NCKAP5: variants seen among roughly 807,000 people sequenced by gnomAD.
NCKAP5 encodes the protein nck-associated protein 5.
A neutral mutation model predicts 167.0 loss-of-function variants in NCKAP5; 92 were observed. The observed-to-expected ratio is 0.55, with a 90% CI of 0.47 to 0.66. The LOEUF (loss-of-function observed/expected upper bound fraction) is 0.66. NCKAP5 is among the 30% of genes least tolerant of loss of function. The pLI, the probability that NCKAP5 is intolerant of heterozygous loss-of-function variation, is 0.00. For synonymous variants in NCKAP5, 891 were observed against 877.4 expected, an observed-to-expected ratio of 1.02 and a Z score of -0.27; for missense variants, 2,378 against 2,315.0, an observed-to-expected ratio of 1.03 and a Z score of -0.56.
intron 3 of NCKAP5, among the ~76,000 whole-genome samples, chr2:133,308,244 ACG>A (rs1680943351): frequency 6.6e-6 from 1 of 150,740 alleles, no homozygotes; most frequent in Non-Finnish European, 1.5e-5. Flanking sequence ...GCCCGCCACC[ACG>A]CCCGGCTAAT....
At chr2:133,056,793 T>A (rs960009394) in intron 6 of NCKAP5, among the ~76,000 whole-genome samples, 1 of 152,262 alleles carries the variant, frequency 6.6e-6, no homozygotes, top group African/African-American at 2.4e-5. Flanking sequence ...CAATTTTGTT[T>A]GAAAATTTTT....
chr2:133,392,794 C>A (rs996229732), intron 3 of NCKAP5, among the ~76,000 whole-genome samples: 2 of 152,160 alleles, frequency 1.3e-5, no homozygotes, highest in Admixed American at 1.3e-4. Context: ...CAGTCAAATA[C>A]AAACAAGGCA....
intron 5 of NCKAP5, among the ~76,000 whole-genome samples, chr2:133,144,072 G>C (rs1277391400): frequency 1.3e-5 from 2 of 152,132 alleles, no homozygotes; most frequent in East Asian, 3.9e-4. Flanking sequence ...GAAAAATAGA[G>C]AGACAGAGAT....
intron 12 of NCKAP5, among the ~76,000 whole-genome samples, chr2:132,794,328 A>C: frequency 7.0e-6 from 1 of 143,388 alleles, no homozygotes; most frequent in Non-Finnish European, 1.5e-5. Context: ...AGAGAGAGAG[A>C]AAGAGAGAGA....
chr2:133,598,649 C>T, the NCKAP5 span, among the ~76,000 whole-genome samples: 1 of 152,144 alleles, frequency 6.6e-6, no homozygotes, highest in African/African-American at 2.4e-5. Context: ...ACCATGTTGG[C>T]TCTTCCAAGG....
intron 6 of NCKAP5, among the ~76,000 whole-genome samples, chr2:133,065,525 T>C (rs937747367): frequency 6.6e-6 from 1 of 152,188 alleles, no homozygotes; most frequent in African/African-American, 2.4e-5. Flanking sequence ...CTTGGGAGGC[T>C]GAGGCAGGAG....
At chr2:132,887,344 TATCTATCC>T (rs1489856308) in intron 8 of NCKAP5, among the ~76,000 whole-genome samples, 3 of 100,340 alleles carry the variant, frequency 3.0e-5, no homozygotes, top group African/African-American at 1.4e-4. Flanking sequence ...TCTATCTATC[TATCTATCC>T]ATCCATCCAT....
intron 6 of NCKAP5, among the ~76,000 whole-genome samples, chr2:133,112,726 T>A (rs2081956181): frequency 6.6e-6 from 1 of 152,232 alleles, no homozygotes; most frequent in South Asian, 2.1e-4. Context: ...CAAGCCTTTA[T>A]GTAGACAGAT....
At chr2:133,536,996 G>T (rs190886694) in intron 2 of NCKAP5, among the ~76,000 whole-genome samples, 1 of 151,868 alleles carries the variant, frequency 6.6e-6, no homozygotes, top group East Asian at 1.9e-4. Context: ...ATAGGAATCC[G>T]AATTTCCTCT....
chr2:132,801,315 G>A (rs998363554), intron 11 of NCKAP5, among the ~76,000 whole-genome samples: 11 of 152,300 alleles, frequency 7.2e-5, no homozygotes, highest in Admixed American at 4.6e-4. Flanking sequence ...TTCGTTTGGA[G>A]TTTGTTATTA....
chr2:132,682,868 C>T (rs1685416078), intron 19 of NCKAP5, among the ~76,000 whole-genome samples: 1 of 151,578 alleles, frequency 6.6e-6, no homozygotes, highest in Admixed American at 6.6e-5. Context: ...ATGTTTAAAT[C>T]AGAATTTCTT....
At chr2:133,211,780 GA>G (rs1460471988) in intron 5 of NCKAP5, among the ~76,000 whole-genome samples, 2 of 152,130 alleles carry the variant, frequency 1.3e-5, no homozygotes, top group African/African-American at 4.8e-5. Flanking sequence ...TTAGAATAAT[GA>G]AACATTCGTA....
chr2:133,527,928 G>A (rs187365947), intron 2 of NCKAP5, among the ~76,000 whole-genome samples: 1 of 152,194 alleles, frequency 6.6e-6, no homozygotes, highest in Admixed American at 6.5e-5. Flanking sequence ...AGCCAGATGT[G>A]GTGGCACGTG....
intron 11 of NCKAP5, among the ~76,000 whole-genome samples, chr2:132,819,532 A>C (rs185949709): frequency 4.7e-4 from 72 of 152,336 alleles, no homozygotes; most frequent in African/African-American, 1.4e-3. Context: ...GTAGGAGGCA[A>C]AGAAGAAACA....
the NCKAP5 span, among the ~76,000 whole-genome samples, chr2:133,642,769 T>C: frequency 6.6e-6 from 1 of 152,204 alleles, no homozygotes; most frequent in Non-Finnish European, 1.5e-5. Context: ...GCAGATGAAC[T>C]AGATTCCTGG....
chr2:133,489,587 T>C (rs569972325), intron 3 of NCKAP5, among the ~76,000 whole-genome samples: 4 of 152,234 alleles, frequency 2.6e-5, no homozygotes, highest in East Asian at 1.9e-4. Flanking sequence ...ACTAAACTTA[T>C]ACAATCTTCC....
chr2:132,927,142 G>A (rs56134524), intron 8 of NCKAP5, among the ~76,000 whole-genome samples: 3,495 of 152,084 alleles, frequency 0.023, 141 homozygotes, highest in East Asian at 0.17. Context: ...CTTAGTGTAT[G>A]TTTCTGTCAA....
intron 5 of NCKAP5, among the ~76,000 whole-genome samples, chr2:133,136,617 G>T (rs1219689878): frequency 1.3e-5 from 2 of 152,130 alleles, no homozygotes; most frequent in Admixed American, 6.5e-5. Context: ...GATAATATTC[G>T]AATTGAGTCA....
chr2:133,440,061 T>C (rs1161059012), intron 3 of NCKAP5, among the ~76,000 whole-genome samples: 3 of 152,164 alleles, frequency 2.0e-5, no homozygotes, highest in Non-Finnish European at 2.9e-5. Context: ...TGTTTCTGTT[T>C]GTATGATATA....
Sources: gnomAD v4.1 joint callset for allele counts (sites outside exome capture counted in the v4.1 genomes callset) on GRCh38, gnomAD v4.1.1 for gene constraint, MANE v1.5 for transcripts, NCBI Gene and HGNC (gene_info 2026-07-23, HGNC 2026-07-21) for gene names.